FAM110B: variants seen among roughly 807,000 people sequenced by gnomAD.
FAM110B encodes protein FAM110B.
FAM110B carries 6 observed loss-of-function variants against 20.4 expected under a neutral mutation model. That is an observed-to-expected ratio of 0.29 (90% CI 0.16 to 0.58). The LOEUF (loss-of-function observed/expected upper bound fraction) is 0.58, where lower values mean the gene tolerates loss of function less well. Among genes scored for constraint, FAM110B ranks in the 20% least tolerant of loss-of-function variants. FAM110B has a pLI of 0.90. For synonymous variants in FAM110B, 226 were observed against 214.1 expected, an observed-to-expected ratio of 1.06 and a Z score of -0.49; for missense variants, 434 against 498.2, an observed-to-expected ratio of 0.87 and a Z score of 1.23.
intron 3 of FAM110B, among the ~76,000 whole-genome samples, chr8:58,076,161 A>G (rs1027950347): frequency 2.6e-5 from 4 of 151,992 alleles, no homozygotes; most frequent in Non-Finnish European, 4.4e-5. Flanking sequence ...GGGTCTCACT[A>G]TGTTGCCCAG....
intron 1 of FAM110B, among the ~76,000 whole-genome samples, chr8:58,020,977 G>A (rs1804740528): frequency 1.3e-5 from 2 of 152,120 alleles, no homozygotes; most frequent in African/African-American, 4.8e-5. Context: ...CCTGGCCTTA[G>A]GCTCCTTTGC....
At chr8:58,077,710 C>T (rs969664525) in intron 3 of FAM110B, among the ~76,000 whole-genome samples, 3 of 152,160 alleles carry the variant, frequency 2.0e-5, no homozygotes, top group African/African-American at 7.2e-5. Context: ...TCCCTCCCCC[C>T]ATCAAGGCAA....
chr8:58,098,917 C>A (rs1806707449), intron 3 of FAM110B: 1 of 152,334 alleles, frequency 6.6e-6, no homozygotes, highest in Admixed American at 6.5e-5. Flanking sequence ...ATGCAGAAAT[C>A]ACCCACCTTC....
At chr8:58,036,968 C>T (rs1268440406) in intron 2 of FAM110B, among the ~76,000 whole-genome samples, 2 of 152,150 alleles carry the variant, frequency 1.3e-5, no homozygotes, top group Non-Finnish European at 2.9e-5. Flanking sequence ...ATGAGTTTCC[C>T]TTATTGTTAT....
chr8:58,037,928 A>G (rs1045770849), intron 2 of FAM110B, among the ~76,000 whole-genome samples: 5 of 152,156 alleles, frequency 3.3e-5, no homozygotes, highest in African/African-American at 7.2e-5. Context: ...CTCTGAGGCT[A>G]CTTTCTTTGT....
chr8:58,049,281 G>T (rs757728148), intron 2 of FAM110B, among the ~76,000 whole-genome samples: 5 of 152,120 alleles, frequency 3.3e-5, no homozygotes, highest in Admixed American at 6.5e-5. Context: ...ATGAAATTTT[G>T]TGGTGTTCAA....
intron 3 of FAM110B, among the ~76,000 whole-genome samples, chr8:58,114,612 G>A (rs1807151285): frequency 6.6e-6 from 1 of 152,170 alleles, no homozygotes; most frequent in African/African-American, 2.4e-5. Context: ...ACAAGTTGGG[G>A]AGGATTTAGA....
chr8:58,095,278 T>C (rs1806595097), intron 3 of FAM110B, among the ~76,000 whole-genome samples: 1 of 152,198 alleles, frequency 6.6e-6, no homozygotes, highest in Non-Finnish European at 1.5e-5. Context: ...TGTCTTCTGC[T>C]AGCTTTCAAA....
intron 3 of FAM110B, among the ~76,000 whole-genome samples, chr8:58,118,386 A>T (rs1023602755): frequency 3.9e-5 from 6 of 152,240 alleles, no homozygotes; most frequent in Non-Finnish European, 8.8e-5. Context: ...ATTCCAGGAC[A>T]TTAGGATTTC....
At chr8:58,082,847 GTT>G (rs57216749) in intron 3 of FAM110B, among the ~76,000 whole-genome samples, 4 of 135,532 alleles carry the variant, frequency 3.0e-5, no homozygotes, top group South Asian at 2.4e-4. Context: ...GTTTTTTTTT[GTT>G]TTTTTTTTTT....
At chr8:58,015,247 C>T (rs1219775167) in intron 1 of FAM110B, among the ~76,000 whole-genome samples, 2 of 151,998 alleles carry the variant, frequency 1.3e-5, no homozygotes, top group African/African-American at 4.8e-5. Context: ...ATCGCAGCTA[C>T]TCGGGAGGCT....
chr8:58,075,734 G>A (rs886994925), intron 3 of FAM110B, 111 bp downstream of exon 3: 3 of 151,874 alleles, frequency 2.0e-5, no homozygotes, highest in African/African-American at 7.3e-5. Context: ...CAGATATTTT[G>A]CTGTCTGGCA....
At chr8:58,075,273 T>TGGTGTGTGTGTGTGTGTGTGTGTG (rs58047108) in intron 2 of FAM110B, among the ~76,000 whole-genome samples, 1 of 144,972 alleles carries the variant, frequency 6.9e-6, no homozygotes, top group African/African-American at 2.8e-5. Context: ...TTTTTTTTTT[T>TGGTGTGTGTGTGTGTGTGTGTGTG]TTTGTGTGTG....
In FAM110B at chr8:58,140,728, A is replaced by G. The variant is rs529708268; in HGVS notation, c.-324-5179A>G. Among the ~76,000 whole-genome samples, 4 of 152,274 alleles carry G rather than the reference A, an allele frequency of 2.6e-5. No homozygotes were observed. The East Asian group carries it at 7.7e-4, about 29-fold the overall frequency. ...CCGCTGTCCCCTAGCACTCCATACC[A>G]GCCACTGGAGTGTCTTGAATGTACC... On this transcript the variant is annotated intron_variant, in intron 3 of 3. Coordinates refer to ENST00000519262, the MANE Select transcript of FAM110B (RefSeq NM_001377989.1).
At chr8:58,096,109 C>A (rs1806620196) in intron 3 of FAM110B, among the ~76,000 whole-genome samples, 1 of 152,178 alleles carries the variant, frequency 6.6e-6, no homozygotes, top group Admixed American at 6.5e-5. Context: ...TTTCTCCCAT[C>A]CCTTTATTTT....
At position 58,101,665 on chromosome 8, in the gene FAM110B, G is replaced by A. The variant is rs1249386049; in HGVS notation, c.-325+26042G>A. Among the ~76,000 whole-genome samples, 6 of 151,664 alleles carry A rather than the reference G, an allele frequency of 4.0e-5. No individual in the cohort carries two copies. The South Asian group carries it at 8.3e-4, about 21-fold the overall frequency. On this transcript the variant is annotated intron_variant, in intron 3 of 3. Transcript: ENST00000519262. ...TTTCTACTCTAAACTGACTTCCTCCGAAATCTAGTATGTTTCATGTTTCAA... is the reference window on the plus strand; with the variant it reads ...TTTCTACTCTAAACTGACTTCCTCCAAAATCTAGTATGTTTCATGTTTCAA...
At chr8:58,047,980 A>G (rs1805364357) in intron 2 of FAM110B, among the ~76,000 whole-genome samples, 1 of 152,184 alleles carries the variant, frequency 6.6e-6, no homozygotes, top group Non-Finnish European at 1.5e-5. Context: ...AGTTATTAGC[A>G]TAAAAGCTTA....
chr8:58,095,114 A>G (rs1262927682), intron 3 of FAM110B, among the ~76,000 whole-genome samples: 1 of 151,796 alleles, frequency 6.6e-6, no homozygotes, highest in African/African-American at 2.4e-5. Context: ...ATCATTTTTT[A>G]TTGCATCTAT....
chr8:58,067,054 C>G (rs1201810300), intron 2 of FAM110B, among the ~76,000 whole-genome samples: 1 of 152,226 alleles, frequency 6.6e-6, no homozygotes, highest in African/African-American at 2.4e-5. Flanking sequence ...ATTATGATCT[C>G]TCTAAAGTTA....
Sources: allele counts gnomAD v4.1 joint callset (sites outside exome capture counted in the v4.1 genomes callset), GRCh38; gene constraint gnomAD v4.1.1; transcripts MANE v1.5; gene names NCBI Gene and HGNC (gene_info 2026-07-23, HGNC 2026-07-21).